Variants in WDR64 observed in about 807,000 individuals in gnomAD.
WDR64 encodes WD repeat-containing protein 64.
Under a neutral mutation model 139.3 loss-of-function variants are expected in WDR64, and 112 were observed. The ratio of observed to expected loss-of-function variants is 0.80; its 90% CI spans 0.69 to 0.94. The LOEUF (loss-of-function observed/expected upper bound fraction) is 0.94, where lower values mean the gene tolerates loss of function less well. WDR64 is among the 40% of genes least tolerant of loss of function. The probability of loss-of-function intolerance (pLI) is 0.00; values close to 1 mark genes in which losing one functional copy is unlikely to be tolerated. For missense variants in WDR64, 1,206 were observed against 1,293.1 expected, an observed-to-expected ratio of 0.93 and a Z score of 1.03; for synonymous variants, 444 against 437.7, an observed-to-expected ratio of 1.01 and a Z score of -0.18.
chr1:241,676,743 TG>T (rs1173858294), intron 4 of WDR64, among the ~76,000 whole-genome samples: 3 of 113,032 alleles, frequency 2.7e-5, no homozygotes, highest in African/African-American at 6.5e-5. Context: ...AAAAAATTAA[TG>T]GTTTTTTTTT....
chr1:241,754,504 G>A (rs1444361000), intron 14 of WDR64, among the ~76,000 whole-genome samples: 1 of 151,852 alleles, frequency 6.6e-6, no homozygotes, highest in Non-Finnish European at 1.5e-5. Context: ...ATTTTTAGTA[G>A]AGACAGGGTT....
chr1:241,784,849 G>A (rs1391278435), intron 23 of WDR64, among the ~76,000 whole-genome samples: 1 of 144,762 alleles, frequency 6.9e-6, no homozygotes, highest in Non-Finnish European at 1.6e-5. Context: ...AGCTACTTGG[G>A]AGGCTGAGGC....
chr1:241,771,945 C>CATATATATATAT (rs57383177), intron 19 of WDR64, among the ~76,000 whole-genome samples: 34 of 62,338 alleles, frequency 5.5e-4, no homozygotes, highest in East Asian at 2.0e-3. Flanking sequence ...TACATACATA[C>CATATATATATAT]ATATATATAT....
chr1:241,716,930 T>C (rs963603520), intron 9 of WDR64, among the ~76,000 whole-genome samples: 1 of 152,156 alleles, frequency 6.6e-6, no homozygotes, highest in Non-Finnish European at 1.5e-5. Context: ...CAGATCTCTA[T>C]TGCATTCTTC....
chr1:241,713,150 A>T (rs1182800270), intron 9 of WDR64, among the ~76,000 whole-genome samples: 6 of 151,836 alleles, frequency 4.0e-5, no homozygotes, highest in Non-Finnish European at 7.4e-5. Context: ...CTACAAAAAA[A>T]AAAAATTAAA....
chr1:241,709,534 A>G (rs1244887641), intron 8 of WDR64, among the ~76,000 whole-genome samples: 1 of 152,106 alleles, frequency 6.6e-6, no homozygotes, highest in Non-Finnish European at 1.5e-5. Flanking sequence ...GGATCGCTTG[A>G]GTCCAACAGT....
chr1:241,660,500 T>C, intron 1 of WDR64, 30 bp from the exon 2 acceptor site: 1 of 1,542,446 alleles, frequency 6.5e-7, no homozygotes, highest in South Asian at 1.2e-5. Flanking sequence ...TGGAATTTGA[T>C]GAAAATGGAC....
intron 22 of WDR64, among the ~76,000 whole-genome samples, chr1:241,780,401 T>C (rs529696821): frequency 8.4e-4 from 128 of 152,356 alleles, no homozygotes; most frequent in Non-Finnish European, 1.6e-3. Context: ...TTATCCTTTA[T>C]AAGATATTCC....
intron 7 of WDR64, among the ~76,000 whole-genome samples, chr1:241,686,778 T>C (rs1311679279): frequency 1.3e-5 from 2 of 152,196 alleles, no homozygotes; most frequent in Admixed American, 1.3e-4. Flanking sequence ...GTTTGAAAAG[T>C]ACTAATGGAA....
At chr1:241,773,962 T>C (rs949665422) in intron 20 of WDR64, among the ~76,000 whole-genome samples, 57 of 152,226 alleles carry the variant, frequency 3.7e-4, no homozygotes, top group African/African-American at 1.3e-3. Context: ...TACCAAACAG[T>C]TGAAAGAAGG....
rs1667051219 is a variant in WDR64, at chr1:241,687,468, A to T, written c.847A>T (p.Arg283Trp). Residue 283 changes from arginine to tryptophan, a missense_variant, in exon 8 of 28, where the codon AGG (arginine) becomes TGG (tryptophan). By Grantham distance (101) the Arg-to-Trp change is moderately radical (BLOSUM62 -3). Coordinates refer to ENST00000437684, the MANE Select transcript of WDR64 (RefSeq NM_001367482.1). ...CCTTTTCTTAATCCCCAGTGTTAAA[A>T]GGAAGCTACATAATGACTGGGTTAT... is the stretch of plus-strand genomic sequence containing the variant. ...LDSKNFKSVK[R>W]KLHNDWVMKI... 1 of 1,613,856 alleles carries T rather than the reference A, an allele frequency of 6.2e-7. No homozygotes were observed. The highest frequency in any genetic ancestry group is 8.5e-7 in the Non-Finnish European group (1 of 1,179,908).
At chr1:241,668,989 G>A (rs1056422312) in intron 2 of WDR64, among the ~76,000 whole-genome samples, 1 of 151,916 alleles carries the variant, frequency 6.6e-6, no homozygotes, top group Non-Finnish European at 1.5e-5. Context: ...TCTCTCCCAT[G>A]AGGCCTTCTC....
At chr1:241,730,101 A>T (rs1669020410) in intron 10 of WDR64, among the ~76,000 whole-genome samples, 1 of 152,234 alleles carries the variant, frequency 6.6e-6, no homozygotes, top group African/African-American at 2.4e-5. Context: ...TAGGAAGAAA[A>T]AATAAAAACT....
At chr1:241,770,925 T>A (rs2148299590) in intron 18 of WDR64, among the ~76,000 whole-genome samples, 1 of 152,360 alleles carries the variant, frequency 6.6e-6, no homozygotes, top group East Asian at 1.9e-4. Context: ...TTTTTGCATT[T>A]GTGAATAATC....
At chr1:241,740,507 G>A (rs1669495558) in intron 11 of WDR64, among the ~76,000 whole-genome samples, 1 of 152,138 alleles carries the variant, frequency 6.6e-6, no homozygotes, top group South Asian at 2.1e-4. Context: ...AGTAACTCCT[G>A]TAGAAACTTC....
chr1:241,659,680 A>G (rs546087963), intron 1 of WDR64, among the ~76,000 whole-genome samples: 1 of 152,110 alleles, frequency 6.6e-6, no homozygotes, highest in South Asian at 2.1e-4. Flanking sequence ...GCTTTTTTTC[A>G]TATATTTGTT....
intron 15 of WDR64, among the ~76,000 whole-genome samples, chr1:241,760,798 C>G (rs1263316787): frequency 8.7e-6 from 1 of 115,130 alleles, no homozygotes; most frequent in Non-Finnish European, 1.7e-5. Flanking sequence ...CGGAGTCTCA[C>G]TCTTTCGCCC....
intron 21 of WDR64, among the ~76,000 whole-genome samples, chr1:241,776,941 T>A (rs1281499463): frequency 6.6e-6 from 1 of 152,216 alleles, no homozygotes; most frequent in Non-Finnish European, 1.5e-5. Context: ...TCTATCCTCA[T>A]CTACATTATA....
rs116098185 is a variant in WDR64 at position 241,731,227 on chromosome 1, A to G, written c.1195-7136A>G. Among the ~76,000 whole-genome samples the G allele has an allele frequency of 8.0e-3, 1,223 of 152,260 alleles. 15 individuals carry two copies. The highest frequency in any genetic ancestry group is 0.028 in the African/African-American group (1,169 of 41,548). The stretch of plus-strand genomic sequence containing the variant: ...ATTCAGCCATTAAAAAATGAGACAA[A>G]GCCAGGTACAGTGGTGCATGCCTGC... On this transcript the variant is annotated intron_variant, in intron 10 of 27. Coordinates refer to ENST00000437684, the MANE Select transcript of WDR64 (RefSeq NM_001367482.1).
Sources: allele counts gnomAD v4.1 joint callset (sites outside exome capture counted in the v4.1 genomes callset), GRCh38; gene constraint gnomAD v4.1.1; transcripts MANE v1.5; gene names NCBI Gene and HGNC (gene_info 2026-07-23, HGNC 2026-07-21).